The following EXOSC7 variants were observed in gnomAD, a reference collection of about 807,000 sequenced individuals.
EXOSC7 encodes exosome component 7, also known as exosome complex component RRP42.
Under a neutral mutation model 34.3 loss-of-function variants are expected in EXOSC7, and 25 were observed. The observed-to-expected ratio is 0.73, with a 90% CI of 0.53 to 1.02. The LOEUF is 1.02. EXOSC7 is among the 50% of genes least tolerant of loss of function. The pLI, the probability that EXOSC7 is intolerant of heterozygous loss-of-function variation, is 0.00. For synonymous variants in EXOSC7, 130 were observed against 143.0 expected (o/e 0.91, Z 0.65); for missense variants, 370 against 368.5 (o/e 1.00, Z -0.03).
chr3:45,011,279 T>C lies in EXOSC7; in HGVS notation c.816T>C (p.Ser272=), dbSNP rs1364025960. 7.4e-6 allele frequency: 12 copies of C among 1,613,294 alleles called. No individual in the cohort carries two copies. Among genetic ancestry groups the C allele is most frequent in the Non-Finnish European group, 1.0e-5 (12 of 1,179,776 alleles). The change falls in exon 8 of 8, where the codon AGT becomes AGC. Residue 272 remains serine, a synonymous_variant. Transcript: ENST00000265564. ...VGKVLHASLQ[S]VVHKEESLGP... Reference sequence around the variant, plus strand: ...AGGTACTGCATGCCTCCTTGCAGAGTGTTGTGCACAAGGAAGAAAGCCTGG... The same window carrying C: ...AGGTACTGCATGCCTCCTTGCAGAGCGTTGTGCACAAGGAAGAAAGCCTGG...
chr3:45,006,750 T>C (rs1707057756), intron 6 of EXOSC7, among the ~76,000 whole-genome samples: 1 of 152,104 alleles, frequency 6.6e-6, no homozygotes, highest in South Asian at 2.1e-4. Context: ...TTGCCCAGGC[T>C]GGAGTGCAGT....
chr3:44,998,935 T>G (rs1706801114), intron 4 of EXOSC7, among the ~76,000 whole-genome samples: 1 of 152,134 alleles, frequency 6.6e-6, no homozygotes, highest in African/African-American at 2.4e-5. Context: ...TGACGTGAAC[T>G]CTCCAGTTCC....
chr3:45,008,775 C>G (rs944333146), intron 7 of EXOSC7, among the ~76,000 whole-genome samples: 6 of 152,228 alleles, frequency 3.9e-5, no homozygotes, highest in Non-Finnish European at 4.4e-5. Context: ...GTCCTCTAGG[C>G]AAGGGACTGT....
At chr3:44,989,450 TA>T in intron 2 of EXOSC7, 99 bp from the exon 3 acceptor site, 1 of 1,029,962 alleles carries the variant, frequency 9.7e-7, no homozygotes, top group Non-Finnish European at 1.5e-6. Context: ...GCACTGCTCC[TA>T]AAAGAGTCCC....
At chr3:45,007,330 C>T (rs1707076528) in intron 6 of EXOSC7, 90 bp from the exon 7 acceptor site, 3 of 1,385,592 alleles carry the variant, frequency 2.2e-6, no homozygotes, top group Non-Finnish European at 3.0e-6. Flanking sequence ...ATACTTTTGC[C>T]TGGTGTAGAG....
Position 44,989,184 on chromosome 3 carries a change from T to C in EXOSC7, c.102T>C (p.Cys34=). The part of the protein sequence containing the change: ...VDGRGCEDYR[C]VEVETDVVSN... ...GCCGTGGCTGTGAGGACTACCGATG[T>C]GTCGAAGTGGAAACTGATGTGGTGT... Residue 34 remains cysteine (C), a synonymous_variant, in exon 2 of 8, where the codon TGT becomes TGC. Transcript: ENST00000265564. 6.2e-7 allele frequency: 1 copy of C among 1,614,136 alleles called. No homozygotes were observed. The highest frequency in any genetic ancestry group is 8.5e-7 in the Non-Finnish European group (1 of 1,180,006).
intron 7 of EXOSC7, among the ~76,000 whole-genome samples, chr3:45,010,916 C>T (rs888008944): frequency 2.6e-5 from 4 of 152,212 alleles, no homozygotes; most frequent in African/African-American, 7.2e-5. Context: ...AACTTTGTTG[C>T]TTGTTGCAGT....
chr3:45,011,959 A>T (rs534591538), downstream of EXOSC7, among the ~76,000 whole-genome samples: 1 of 152,298 alleles, frequency 6.6e-6, no homozygotes, highest in South Asian at 2.1e-4. Context: ...TGTGTTTTAT[A>T]ACCACTCCCT....
rs147928145 is a variant in EXOSC7 at position 44,979,215 on chromosome 3, T to G, written c.57+2881T>G. Reference sequence around the variant, plus strand: ...AGGTGAATGAGCCTACCATGGAATCTCAACTGATTCAGTTCTGAAATCTCC... The same window carrying G: ...AGGTGAATGAGCCTACCATGGAATCGCAACTGATTCAGTTCTGAAATCTCC... On this transcript the variant is annotated intron_variant, in intron 1 of 7. Transcript: ENST00000265564. Among the ~76,000 whole-genome samples the G allele has an allele frequency of 5.5e-4, 84 of 152,338 alleles. 2 individuals carry two copies. In the East Asian group the frequency reaches 0.016, roughly 29 times the overall value.
chr3:44,994,911 A>C (rs1293732266), intron 3 of EXOSC7, among the ~76,000 whole-genome samples: 1 of 142,354 alleles, frequency 7.0e-6, no homozygotes, highest in Non-Finnish European at 1.6e-5. Context: ...GTGTGTTTTA[A>C]GCCATTTAAA....
rs774473930 is a variant in EXOSC7 at position 44,976,261 on chromosome 3, T to TG, written c.-13dup. The TG allele has an allele frequency of 1.2e-4, 181 of 1,543,350 alleles. 4 individuals are homozygous for TG. The highest frequency in any genetic ancestry group is 8.3e-4 in the African/African-American group (58 of 69,734). ...ACGCGCGCAGATGACGTGCGGCTCG[T>TG]GGGGCAGCTCGGCAGCATGGCGTCC... On this transcript the variant is annotated 5_prime_UTR_variant, in exon 1 of 8. Coordinates refer to ENST00000265564, the MANE Select transcript of EXOSC7 (RefSeq NM_015004.4).
At chr3:44,978,443 A>G (rs1706182573) in intron 1 of EXOSC7, among the ~76,000 whole-genome samples, 1 of 152,196 alleles carries the variant, frequency 6.6e-6, no homozygotes, top group Non-Finnish European at 1.5e-5. Context: ...TTCATTCAAC[A>G]CAGAACTGAG....
rs146928995 is a variant in EXOSC7 at position 44,976,318 on chromosome 3, T to C, written c.41T>C (p.Ile14Thr). ...VTLSEAEKVY[I>T]VHGVQEDLRV... is the part of the protein sequence containing the mutation. Reference sequence around the variant, plus strand: ...CTGAGCGAGGCGGAGAAGGTGTACATCGTGCATGGCGTCCAGGTAGCTACA... The same window carrying C: ...CTGAGCGAGGCGGAGAAGGTGTACACCGTGCATGGCGTCCAGGTAGCTACA... The change falls in exon 1 of 8, where the codon ATC (isoleucine) becomes ACC (threonine). Residue 14 changes from isoleucine (I) to threonine (T), a missense_variant. Coordinates refer to ENST00000265564, the MANE Select transcript of EXOSC7 (RefSeq NM_015004.4). 1.9e-6 allele frequency: 3 copies of C among 1,570,086 alleles called. No individual in the cohort carries two copies. The highest frequency in any genetic ancestry group is 2.0e-5 in the Admixed American group (1 of 51,028).
At chr3:44,999,861 A>G (rs1706827371) in intron 4 of EXOSC7, among the ~76,000 whole-genome samples, 1 of 152,220 alleles carries the variant, frequency 6.6e-6, no homozygotes, top group Admixed American at 6.5e-5. Flanking sequence ...GAGGTGGTGG[A>G]AATCTGTGAA....
intron 3 of EXOSC7, among the ~76,000 whole-genome samples, chr3:44,991,118 G>T (rs1477059208): frequency 6.6e-6 from 1 of 152,196 alleles, no homozygotes; most frequent in Admixed American, 6.5e-5. Flanking sequence ...GTGAATCTTT[G>T]CTCATTTTAC....
chr3:45,007,209 C>T (rs142324214), intron 6 of EXOSC7, among the ~76,000 whole-genome samples: 5 of 152,300 alleles, frequency 3.3e-5, no homozygotes, highest in African/African-American at 1.2e-4. Flanking sequence ...TTTTCCATAT[C>T]GTGTTTTTAT....
At chr3:45,001,466 T>TG (rs1706876265) in intron 4 of EXOSC7, 72 bp from the exon 5 acceptor site, 2 of 1,145,638 alleles carry the variant, frequency 1.7e-6, no homozygotes, top group Non-Finnish European at 1.3e-6. Context: ...CAGTGTCCTT[T>TG]AACTGGGGTA....
intron 4 of EXOSC7, among the ~76,000 whole-genome samples, chr3:44,998,021 A>ATTTTTT (rs1422004823): frequency 7.2e-6 from 1 of 139,756 alleles, no homozygotes; most frequent in Non-Finnish European, 1.6e-5. Flanking sequence ...GCTCTAATTA[A>ATTTTTT]TTTTTTTTTG....
At chr3:44,978,780 G>C (rs1390599228) in intron 1 of EXOSC7, among the ~76,000 whole-genome samples, 1 of 152,146 alleles carries the variant, frequency 6.6e-6, no homozygotes, top group African/African-American at 2.4e-5. Flanking sequence ...GCTTGCAGAG[G>C]TGGCCAGAAG....
Sources: allele counts gnomAD v4.1 joint callset (sites outside exome capture counted in the v4.1 genomes callset), GRCh38; gene constraint gnomAD v4.1.1; transcripts MANE v1.5; gene names NCBI Gene and HGNC (gene_info 2026-07-23, HGNC 2026-07-21).